The following RUFY3 variants were observed in gnomAD, a reference collection of about 807,000 sequenced individuals.
RUFY3 encodes the protein protein RUFY3.
A neutral mutation model predicts 84.0 loss-of-function variants in RUFY3; 34 were observed. The ratio of observed to expected loss-of-function variants is 0.40; its 90% CI spans 0.31 to 0.54. The LOEUF (loss-of-function observed/expected upper bound fraction) is 0.54, where lower values mean the gene tolerates loss of function less well. Ranked by LOEUF, RUFY3 falls within the 20% of genes least tolerant of loss-of-function variation. The pLI, the probability that RUFY3 is intolerant of heterozygous loss-of-function variation, is 0.39. For missense variants in RUFY3, 507 were observed against 736.8 expected (o/e 0.69, Z 3.61); for synonymous variants, 242 against 252.9 (o/e 0.96, Z 0.41).
intron 1 of RUFY3, among the ~76,000 whole-genome samples, chr4:70,709,606 A>G (rs755827911): frequency 2.0e-5 from 3 of 152,194 alleles, no homozygotes; most frequent in African/African-American, 7.2e-5. Flanking sequence ...ATCTGCTTGC[A>G]GGCCATGGTG....
chr4:70,792,600 TCTTTTTTTCA>T, intron 12 of RUFY3: 1 of 985,448 alleles, frequency 1.0e-6, no homozygotes, highest in Non-Finnish European at 1.2e-6. Flanking sequence ...GGTTTTTTTC[TCTTTTTTTCA>T]TTCTGGTATG....
chr4:70,792,991 C>G, intron 12 of RUFY3: 2 of 985,360 alleles, frequency 2.0e-6, no homozygotes, highest in Non-Finnish European at 2.4e-6. Context: ...TTTCTAAAAC[C>G]TACACATAGC....
rs776599368 is a variant in RUFY3, at chr4:70,804,319, A to G, written c.1651-29A>G. 1.9e-6 allele frequency: 3 copies of G among 1,609,348 alleles called. No individual in the cohort carries two copies. The Admixed American group carries it at 5.0e-5, about 27-fold the overall frequency. ...AGTACTAATATTTCTGGCACTAAGA[A>G]AAACTAACCAGCTCCCTGTGTGGTT... On this transcript the variant is annotated intron_variant, in intron 16 of 17. Transcript: ENST00000381006.
At chr4:70,775,735 C>T (rs1727831574) in intron 7 of RUFY3, among the ~76,000 whole-genome samples, 3 of 151,852 alleles carry the variant, frequency 2.0e-5, no homozygotes, top group African/African-American at 7.3e-5. Flanking sequence ...TGCTTTAGCT[C>T]AGGAGTTCAA....
At chr4:70,716,123 A>G (rs1054827223) in intron 1 of RUFY3, among the ~76,000 whole-genome samples, 17 of 152,236 alleles carry the variant, frequency 1.1e-4, no homozygotes, top group Middle Eastern at 3.4e-3. Context: ...CAAAAAAAAA[A>G]AAGAAAATAA....
chr4:70,739,486 T>A (rs1720951172), intron 1 of RUFY3, among the ~76,000 whole-genome samples: 1 of 152,120 alleles, frequency 6.6e-6, no homozygotes, highest in South Asian at 2.1e-4. Flanking sequence ...TGTGTCTGGG[T>A]TTGGGGCTTC....
intron 1 of RUFY3, among the ~76,000 whole-genome samples, chr4:70,737,155 A>G (rs1235820494): frequency 1.3e-5 from 2 of 151,684 alleles, no homozygotes; most frequent in Non-Finnish European, 1.5e-5. Flanking sequence ...CTGTATTAAC[A>G]TCTGAAGTTT....
chr4:70,760,817 C>G (rs1724908745), intron 1 of RUFY3, among the ~76,000 whole-genome samples: 1 of 152,158 alleles, frequency 6.6e-6, no homozygotes, highest in Non-Finnish European at 1.5e-5. Context: ...CCAATTCTGA[C>G]TCTCACATAA....
intron 8 of RUFY3, among the ~76,000 whole-genome samples, chr4:70,781,066 T>G (rs1200400457): frequency 1.5e-4 from 20 of 134,460 alleles, no homozygotes; most frequent in Admixed American, 1.4e-3. Flanking sequence ...GTGGGCAACA[T>G]AGCAAAACCC....
At chr4:70,770,046 TC>T (rs1726697501) in intron 5 of RUFY3, among the ~76,000 whole-genome samples, 1 of 152,200 alleles carries the variant, frequency 6.6e-6, no homozygotes, top group Non-Finnish European at 1.5e-5. Context: ...GATCTCAAAC[TC>T]ATGGCCTCAA....
chr4:70,704,595 C>G (rs751695730), upstream of RUFY3: 3 of 188,980 alleles, frequency 1.6e-5, no homozygotes, highest in African/African-American at 2.3e-5. Flanking sequence ...GTCAGCCCAG[C>G]CGGAGGGAAG....
In RUFY3 at chr4:70,806,656, A is replaced by G. The variant is rs1338855730; in HGVS notation, c.1860A>G (p.Ser620=). Residue 620 remains serine, a synonymous_variant, in exon 18 of 18, where the codon TCA becomes TCG. Coordinates refer to ENST00000381006, the MANE Select transcript of RUFY3 (RefSeq NM_001037442.4). ...HLMKQYSTSP[S] Reference sequence around the variant, plus strand: ...TGAAGCAATATTCTACCAGCCCATCATAAGACTGGAGGCCAAGACCTGGAC... The same window carrying G: ...TGAAGCAATATTCTACCAGCCCATCGTAAGACTGGAGGCCAAGACCTGGAC... The G allele has an allele frequency of 2.5e-6, 4 of 1,613,988 alleles. No homozygotes were observed. The highest frequency in any genetic ancestry group is 2.5e-6 in the Non-Finnish European group (3 of 1,179,990).
At chr4:70,780,459 A>G (rs898553346) in intron 8 of RUFY3, among the ~76,000 whole-genome samples, 5 of 151,992 alleles carry the variant, frequency 3.3e-5, no homozygotes, top group African/African-American at 9.7e-5. Context: ...ACAGCTGGCT[A>G]ATATTTGTAT....
rs1414829254 is a variant in RUFY3 at position 70,791,464 on chromosome 4, GT to G, written c.1337+1879del. 6 of 1,362,232 alleles carry G rather than the reference GT, an allele frequency of 4.4e-6. No individual in the cohort carries two copies. In the East Asian group the frequency reaches 8.6e-5, roughly 19 times the overall value. The allele number at this position is 1,362,232 out of a possible 1,614,324, so 84.4% of individuals were successfully genotyped here. On this transcript the variant is annotated intron_variant, in intron 12 of 17. Transcript: ENST00000381006. ...AAAACCAGTTGGAAATATAGGTTGGGTTTTTTTCTTATTGTTTTCTCCCCAG... is the reference window on the plus strand; with the variant it reads ...AAAACCAGTTGGAAATATAGGTTGGGTTTTTTCTTATTGTTTTCTCCCCAG...
intron 3 of RUFY3, 117 bp downstream of exon 3, chr4:70,763,786 C>T (rs951386913): frequency 3.2e-6 from 4 of 1,245,392 alleles, no homozygotes; most frequent in Non-Finnish European, 4.4e-6. Context: ...ATCCAAAATG[C>T]ATGATGTCAT....
chr4:70,791,206 T>C, intron 12 of RUFY3: 1 of 1,602,668 alleles, frequency 6.2e-7, no homozygotes, highest in Non-Finnish European at 8.5e-7. Context: ...CACTTCATTG[T>C]CATTTTTATT....
intron 13 of RUFY3, 49 bp from the exon 14 acceptor site, chr4:70,794,746 C>T (rs779065906): frequency 8.4e-7 from 1 of 1,197,102 alleles, no homozygotes; most frequent in Non-Finnish European, 1.2e-6. Context: ...GAGAATATGT[C>T]TGTATAGAAT....
chr4:70,764,164 T>C (rs986299112), intron 3 of RUFY3, among the ~76,000 whole-genome samples: 2 of 152,258 alleles, frequency 1.3e-5, no homozygotes, highest in Non-Finnish European at 2.9e-5. Context: ...GACATTTATA[T>C]AATCCACACT....
intron 8 of RUFY3, among the ~76,000 whole-genome samples, chr4:70,779,355 C>A (rs561320989): frequency 7.2e-5 from 11 of 152,152 alleles, no homozygotes; most frequent in Non-Finnish European, 1.6e-4. Context: ...TTTTCGGCCT[C>A]ACAATTAACT....
Sources: gnomAD v4.1 joint callset for allele counts (sites outside exome capture counted in the v4.1 genomes callset) on GRCh38, gnomAD v4.1.1 for gene constraint, MANE v1.5 for transcripts, NCBI Gene and HGNC (gene_info 2026-07-23, HGNC 2026-07-21) for gene names.